Variants in TRPM4 observed in about 807,000 individuals in gnomAD.
TRPM4 encodes the protein calcium-activated non-selective cation channel 1.
In TRPM4, 124 loss-of-function variants were observed where a neutral mutation model predicts 135.6. That is an observed-to-expected ratio of 0.91 (90% confidence interval 0.79 to 1.06). The LOEUF is 1.06. Among genes scored for constraint, TRPM4 ranks in the 50% least tolerant of loss-of-function variants. The pLI, the probability that TRPM4 is intolerant of heterozygous loss-of-function variation, is 0.00. For missense variants in TRPM4, 1,658 were observed against 1,671.4 expected (o/e 0.99, Z 0.14); for synonymous variants, 745 against 705.6 (o/e 1.06, Z -0.88).
Position 49,171,685 on chromosome 19 carries a change from G to A in TRPM4, c.966G>A (p.Gly322=). The A allele has an allele frequency of 6.2e-7, 1 of 1,614,100 alleles. No homozygotes were observed. Among genetic ancestry groups the A allele is most frequent in the South Asian group, 1.1e-5 (1 of 91,088 alleles). Residue 322 remains glycine (G), a synonymous_variant, in exon 8 of 25, where the codon GGG becomes GGA. Transcript: ENST00000252826. The surrounding 1 kb of genome is among the most constrained non-coding windows in gnomAD (Gnocchi z 4.7). ...CCCTGGAAGACACTCTGGCCCCAGG[G>A]AGTGGGGGAGCCAGGCAAGGCGAAG... is the stretch of plus-strand genomic sequence containing the variant. ...AETLEDTLAP[G]SGGARQGEAR...
intron 2 of TRPM4, 40 bp downstream of exon 2, chr19:49,158,299 G>A (rs764345034): frequency 6.3e-7 from 1 of 1,596,172 alleles, no homozygotes; most frequent in Non-Finnish European, 8.6e-7. Flanking sequence ...GAGGGTCCGC[G>A]GCCCGCTGAC....
chr19:49,184,452 C>CTTTTTT lies in TRPM4; in HGVS notation c.1743+1261_1743+1266dup, dbSNP rs67748057. ...TTTGGTTCATTTCTGTCTCTGTAGT[C>CTTTTTT]TTTTTTTTTTTTTTTTTTTTTTTTT... On this transcript the variant is annotated intron_variant, in intron 12 of 24. Transcript: ENST00000252826. Among the ~76,000 whole-genome samples the CTTTTTT allele has an allele frequency of 1.3e-3, 57 of 45,508 alleles. 18 individuals are homozygous for CTTTTTT. The highest frequency in any genetic ancestry group is 5.8e-3 in the African/African-American group (55 of 9,520). 29.9% of individuals were successfully genotyped at this position (45,508 alleles called of 152,430 possible).
chr19:49,205,772 G>T (rs902412008), intron 20 of TRPM4, among the ~76,000 whole-genome samples: 1 of 151,922 alleles, frequency 6.6e-6, no homozygotes, highest in African/African-American at 2.4e-5. Flanking sequence ...CTGACCTCAG[G>T]TGATGCACCT....
At chr19:49,164,375 T>TG (rs1967092417) in intron 2 of TRPM4, among the ~76,000 whole-genome samples, 1 of 88,046 alleles carries the variant, frequency 1.1e-5, no homozygotes, top group African/African-American at 4.6e-5. Context: ...TTTTTTTTTT[T>TG]TTTTTTTTTT....
intron 20 of TRPM4, 34 bp downstream of exon 20, chr19:49,202,175 C>T (rs1334103408): frequency 6.2e-7 from 1 of 1,611,358 alleles, no homozygotes; most frequent in African/African-American, 1.3e-5. Flanking sequence ...CTGACCCCAC[C>T]CAGCATGACC....
intron 12 of TRPM4, 89 bp downstream of exon 12, chr19:49,183,301 C>T: frequency 6.4e-7 from 1 of 1,564,396 alleles, no homozygotes; most frequent in South Asian, 1.1e-5. Context: ...AATTCCCCGA[C>T]CCCTGACGTC....
At chr19:49,186,916 C>A (rs1427875498) in intron 12 of TRPM4, among the ~76,000 whole-genome samples, 3 of 151,630 alleles carry the variant, frequency 2.0e-5, no homozygotes, top group Admixed American at 1.3e-4. Flanking sequence ...CCTGGAAAGC[C>A]ACTTTTTCTC....
chr19:49,189,006 G>A lies in TRPM4; in HGVS notation c.1934G>A (p.Arg645His), dbSNP rs1357319774. 17 of 1,613,992 alleles carry A rather than the reference G, an allele frequency of 1.1e-5. No individual in the cohort carries two copies. The highest frequency in any genetic ancestry group is 1.4e-5 in the Non-Finnish European group (17 of 1,180,026). Residue 645 changes from arginine (R) to histidine (H), a missense_variant, in exon 14 of 25, where the codon CGC becomes CAC. Arg to His is a conservative substitution (Grantham distance 29). Transcript: ENST00000252826. ...EVRAARLLLR[R>H]CPLWGDATCL... ...AGGGCTGCCCGCCTCCTCCTCCGTC[G>A]CTGCCCGCTCTGGGGGGATGCCACT...
chr19:49,207,161 C>G, intron 20 of TRPM4, among the ~76,000 whole-genome samples: 1 of 152,040 alleles, frequency 6.6e-6, no homozygotes, highest in East Asian at 1.9e-4. Context: ...ATTGTTCTAG[C>G]CAGAACTTCC....
chr19:49,190,348 G>T (rs1968364536), intron 15 of TRPM4, 28 bp downstream of exon 15: 1 of 1,598,286 alleles, frequency 6.3e-7, no homozygotes, highest in African/African-American at 1.3e-5. Flanking sequence ...AGAGTGGTGG[G>T]GATGGGGGCG....
In TRPM4 at chr19:49,182,354, G is replaced by GTCCA. The variant is rs71180605; in HGVS notation, c.1264-189_1264-186dup. On this transcript the variant is annotated intron_variant, in intron 10 of 24. Transcript: ENST00000252826. The stretch of plus-strand genomic sequence containing the variant: ...CCTCTGTCCATCCATCCATCCCTCT[G>GTCCA]TCCATCCATCCATCCATCCATCCAT... Among the ~76,000 whole-genome samples, 9,525 of 79,650 alleles carry GTCCA rather than the reference G, an allele frequency of 0.12. 804 individuals carry two copies. Among genetic ancestry groups the GTCCA allele is most frequent in the African/African-American group, 0.28 (6,524 of 23,508 alleles). The allele number at this position is 79,650 out of a possible 152,430, so 52.3% of individuals were successfully genotyped here.
chr19:49,168,823 G>C lies in TRPM4; in HGVS notation c.796+87G>C, dbSNP rs373720842. On this transcript the variant is annotated intron_variant, in intron 6 of 24. Coordinates refer to ENST00000252826, the MANE Select transcript of TRPM4 (RefSeq NM_017636.4). Reference sequence around the variant, plus strand: ...GATCCCAGTAGTTTGGTCTGGTCGAGATTTGGGGAATTACCTATGGTTAAG... The same window carrying C: ...GATCCCAGTAGTTTGGTCTGGTCGACATTTGGGGAATTACCTATGGTTAAG... 7.9e-6 allele frequency: 11 copies of C among 1,387,538 alleles called. No homozygotes were observed. The African/African-American group carries it at 1.1e-4, about 14-fold the overall frequency. 86.0% of individuals were successfully genotyped at this position (1,387,538 alleles called of 1,614,324 possible). A position where few individuals can be genotyped will look rare whatever the true frequency, so the allele number is the denominator to read the frequency against.
intron 16 of TRPM4, among the ~76,000 whole-genome samples, chr19:49,191,588 C>G (rs1486278281): frequency 6.6e-6 from 1 of 151,938 alleles, no homozygotes. Flanking sequence ...TGATCTCCGC[C>G]TCCTGGGTTC....
At chr19:49,162,952 G>C (rs751337011) in intron 2 of TRPM4, among the ~76,000 whole-genome samples, 53 of 151,804 alleles carry the variant, frequency 3.5e-4, no homozygotes, top group Non-Finnish European at 7.4e-4. Context: ...AGTAGAAACA[G>C]GGTTTCACCA....
chr19:49,162,286 C>A (rs1966994111), intron 2 of TRPM4, among the ~76,000 whole-genome samples: 1 of 152,124 alleles, frequency 6.6e-6, no homozygotes, highest in Non-Finnish European at 1.5e-5. Context: ...CAGCTGTAAT[C>A]CCAGCAGTTT....
intron 13 of TRPM4, 63 bp downstream of exon 13, chr19:49,188,833 T>C (rs1054252341): frequency 3.5e-5 from 56 of 1,612,684 alleles, no homozygotes; most frequent in South Asian, 7.7e-5. Flanking sequence ...GATGTGCAAC[T>C]CCGCACTCCT....
chr19:49,206,127 A>AT (rs1252354207), intron 20 of TRPM4, among the ~76,000 whole-genome samples: 1 of 149,208 alleles, frequency 6.7e-6, no homozygotes, highest in Non-Finnish European at 1.5e-5. Flanking sequence ...CGCCCGGCTA[A>AT]TTTTTTTGTA....
chr19:49,163,347 C>A (rs1165375118), intron 2 of TRPM4, among the ~76,000 whole-genome samples: 1 of 151,916 alleles, frequency 6.6e-6, no homozygotes, highest in African/African-American at 2.4e-5. Flanking sequence ...AGGCGCGTAC[C>A]ACCATGCCCG....
rs532373746 is a variant in TRPM4 at position 49,190,582 on chromosome 19, C to T, written c.2133-114C>T. ...TCCCTTTGGGATGACTTTAGGAGAC[C>T]ACCTCTCTGTCCCTCTGCCATGTCT... On this transcript the variant is annotated intron_variant, in intron 15 of 24. Coordinates refer to ENST00000252826, the MANE Select transcript of TRPM4 (RefSeq NM_017636.4). 1.0e-4 allele frequency: 115 copies of T among 1,134,552 alleles called. No homozygotes were observed. In the African/African-American group the frequency reaches 1.6e-3, roughly 15 times the overall value. 70.3% of individuals were successfully genotyped at this position (1,134,552 alleles called of 1,614,324 possible).
Sources: allele counts gnomAD v4.1 joint callset (sites outside exome capture counted in the v4.1 genomes callset), GRCh38; gene constraint gnomAD v4.1.1; non-coding constraint Gnocchi (gnomAD v3.1); transcripts MANE v1.5; gene names NCBI Gene and HGNC (gene_info 2026-07-23, HGNC 2026-07-21).